The following CHST14 variants were observed in gnomAD, a reference collection of about 807,000 sequenced individuals.
The protein encoded by CHST14 is carbohydrate sulfotransferase 14, also known as carbohydrate (N-acetylgalactosamine 4-0) sulfotransferase 14.
CHST14 carries 13 observed loss-of-function variants against 22.7 expected under a neutral mutation model. The observed-to-expected ratio is 0.57, with a 90% CI of 0.37 to 0.91. CHST14 has a LOEUF of 0.91. Ranked by LOEUF, CHST14 falls within the 40% of genes least tolerant of loss-of-function variation. The pLI is 0.01. For missense variants in CHST14, 466 were observed against 513.1 expected (o/e 0.91, Z 0.89); for synonymous variants, 233 against 231.9 (o/e 1.00, Z -0.04).
Position 40,472,135 on chromosome 15 carries a change from C to T in CHST14, c.922C>T (p.Gln308Ter). The T allele has an allele frequency of 6.2e-7, 1 of 1,614,150 alleles. No homozygotes were observed. The stretch of plus-strand genomic sequence containing the variant: ...TGAGAGGCTGGAGGCTGATGCAAAT[C>T]AGGTGCTGGAGTGGGTACGGGCACC... ...SYERLEADANQVLEWVRAPPH... is the reference protein window; with the variant it reads ...SYERLEADAN The change falls in exon 1 of 1, where the codon CAG becomes TAG. Residue 308 changes from glutamine (Q) to a stop codon, truncating the protein, a stop_gained. Coordinates refer to ENST00000306243, the MANE Select transcript of CHST14 (RefSeq NM_130468.4). LOFTEE classifies it high-confidence loss of function.
chr15:40,472,575 C>T lies in CHST14; in HGVS notation c.*231C>T. 1 of 564,858 alleles carries T rather than the reference C, an allele frequency of 1.8e-6. No homozygotes were observed. Among genetic ancestry groups the T allele is most frequent in the Non-Finnish European group, 3.2e-6 (1 of 312,572 alleles). 35.0% of individuals were successfully genotyped at this position (564,858 alleles called of 1,614,324 possible). A position where few individuals can be genotyped will look rare whatever the true frequency, so the allele number is the denominator to read the frequency against. The stretch of plus-strand genomic sequence containing the variant: ...CTCATTGGGGGGATCTCTTGGGGGG[C>T]AGACACCAGTTTGCCAATGAAGCAA... On this transcript the variant is annotated 3_prime_UTR_variant, in exon 1 of 1. Transcript: ENST00000306243.
At position 40,472,390 on chromosome 15, in the gene CHST14, A is replaced by G; in HGVS notation, c.*46A>G. 1 of 1,548,064 alleles carries G rather than the reference A, an allele frequency of 6.5e-7. No homozygotes were observed. The highest frequency in any genetic ancestry group is 8.7e-7 in the Non-Finnish European group (1 of 1,146,664). ...GCTGGTGGGGACTGGTTTCAACGCC[A>G]GCTTTCTGTGCTTCTGCCTGTCATT... On this transcript the variant is annotated 3_prime_UTR_variant, in exon 1 of 1. Transcript: ENST00000306243.
At position 40,471,473 on chromosome 15, in the gene CHST14, C is replaced by T. The variant is rs1595869287; in HGVS notation, c.260C>T (p.Ala87Val). The T allele has an allele frequency of 6.3e-7, 1 of 1,595,576 alleles. No individual in the cohort carries two copies. ...GAGGGCACAGCCTGGCGCGGGAAAG[C>T]CCCCAAGCCTGGGGGCCTGTCCCTC... is the stretch of plus-strand genomic sequence containing the variant. ...GREGTAWRGK[A>V]PKPGGLSLRA... Residue 87 changes from alanine to valine, a missense_variant, in exon 1 of 1, where the codon GCC (alanine) becomes GTC (valine). Transcript: ENST00000306243. This position sits in a 1 kb window ranked among gnomAD's most constrained non-coding sequence, Gnocchi z 6.4.
rs1398111943 is a variant in CHST14, at chr15:40,471,402, C to T, written c.189C>T (p.Gly63=). 4.9e-5 allele frequency: 77 copies of T among 1,557,250 alleles called. No homozygotes were observed. The highest frequency in any genetic ancestry group is 6.1e-5 in the Non-Finnish European group (71 of 1,155,634). Residue 63 remains glycine (G), a synonymous_variant, in exon 1 of 1, where the codon GGC becomes GGT. Transcript: ENST00000306243. This position sits in a 1 kb window ranked among gnomAD's most constrained non-coding sequence, Gnocchi z 6.4. ...GGCTGCTGCTCATGATCGAGCGGGG[C>T]ATCCTGGCCGAGATGAAGCCCCTGC... ...SSGLLLMIER[G]ILAEMKPLPL...
At position 40,471,840 on chromosome 15, in the gene CHST14, C is replaced by T; in HGVS notation, c.627C>T (p.Phe209=). 6.2e-7 allele frequency: 1 copy of T among 1,613,890 alleles called. No homozygotes were observed. Among genetic ancestry groups the T allele is most frequent in the South Asian group, 1.1e-5 (1 of 91,088 alleles). Residue 209 remains phenylalanine (F), a synonymous_variant, in exon 1 of 1, where the codon TTC becomes TTT. Coordinates refer to ENST00000306243, the MANE Select transcript of CHST14 (RefSeq NM_130468.4). This position sits in a 1 kb window ranked among gnomAD's most constrained non-coding sequence, Gnocchi z 6.4. ...ACCGCCTGCAGCACTACTTTAAGTT[C>T]CTGTTTGTGCGGGAGCCCTTGGAAC... ...IRYRLQHYFK[F]LFVREPLERL... is the part of the protein sequence containing the mutation.
Position 40,472,563 on chromosome 15 carries a change from T to G in CHST14, c.*219T>G. 1.7e-6 allele frequency: 1 copy of G among 576,382 alleles called. No individual in the cohort carries two copies. The highest frequency in any genetic ancestry group is 3.3e-5 in the Admixed American group (1 of 30,504). The allele number at this position is 576,382 out of a possible 1,614,324, so 35.7% of individuals were successfully genotyped here. ...GACCTGCTGCTCCTCATTGGGGGGATCTCTTGGGGGGCAGACACCAGTTTG... is the reference window on the plus strand; with the variant it reads ...GACCTGCTGCTCCTCATTGGGGGGAGCTCTTGGGGGGCAGACACCAGTTTG... On this transcript the variant is annotated 3_prime_UTR_variant, in exon 1 of 1. Transcript: ENST00000306243.
rs1022679881 is a variant in CHST14, at chr15:40,472,587, T to C, written c.*243T>C. The C allele has an allele frequency of 3.6e-6, 2 of 553,182 alleles. No individual in the cohort carries two copies. The highest frequency in any genetic ancestry group is 3.3e-6 in the Non-Finnish European group (1 of 304,644). 34.3% of individuals were successfully genotyped at this position (553,182 alleles called of 1,614,324 possible). A position where few individuals can be genotyped will look rare whatever the true frequency, so the allele number is the denominator to read the frequency against. On this transcript the variant is annotated 3_prime_UTR_variant, in exon 1 of 1. Coordinates refer to ENST00000306243, the MANE Select transcript of CHST14 (RefSeq NM_130468.4). ...ATCTCTTGGGGGGCAGACACCAGTT[T>C]GCCAATGAAGCAACACATCTGATCT... is the stretch of plus-strand genomic sequence containing the variant.
chr15:40,471,204 C>G lies in CHST14; in HGVS notation c.-10C>G, dbSNP rs1296969165. The G allele has an allele frequency of 5.8e-6, 8 of 1,385,514 alleles. No individual in the cohort carries two copies. Among genetic ancestry groups the G allele is most frequent in the Non-Finnish European group, 7.4e-6 (8 of 1,080,054 alleles). 85.8% of individuals were successfully genotyped at this position (1,385,514 alleles called of 1,614,324 possible). A position where few individuals can be genotyped will look rare whatever the true frequency, so the allele number is the denominator to read the frequency against. On this transcript the variant is annotated 5_prime_UTR_variant, in exon 1 of 1. Coordinates refer to ENST00000306243, the MANE Select transcript of CHST14 (RefSeq NM_130468.4). The surrounding 1 kb of genome is among the most constrained non-coding windows in gnomAD (Gnocchi z 6.4). The stretch of plus-strand genomic sequence containing the variant: ...GCCGGGCCCGCGCAGGCCCCCACCC[C>G]TTGAGCACCATGTTCCCCCGCCCGC...
chr15:40,471,501 G>T lies in CHST14; in HGVS notation c.288G>T (p.Arg96Ser), dbSNP rs371684007. 8 of 1,600,650 alleles carry T rather than the reference G, an allele frequency of 5.0e-6. No individual in the cohort carries two copies. The highest frequency in any genetic ancestry group is 5.9e-6 in the Non-Finnish European group (7 of 1,176,488). Residue 96 changes from arginine (R) to serine (S), a missense_variant, in exon 1 of 1, where the codon AGG becomes AGT. Physicochemically the swap from Arg to Ser is moderately radical, Grantham distance 110. Transcript: ENST00000306243. This position sits in a 1 kb window ranked among gnomAD's most constrained non-coding sequence, Gnocchi z 6.4. ...KAPKPGGLSL[R>S]AGDADLQVRQ... ...CCAAGCCTGGGGGCCTGTCCCTCAG[G>T]GCTGGGGACGCGGACTTGCAAGTGC...
Position 40,472,227 on chromosome 15 carries a change from C to T in CHST14, c.1014C>T (p.Tyr338=), listed in dbSNP as rs1433129785. The change falls in exon 1 of 1, where the codon TAC becomes TAT. Residue 338 remains tyrosine (Y), a synonymous_variant. Transcript: ENST00000306243. ...YRPASPESLH[Y]HLCSAPRALL... ...CAGCCAGCCCCGAAAGCCTGCATTACCACTTGTGCAGTGCCCCCCGGGCCC... is the reference window on the plus strand; with the variant it reads ...CAGCCAGCCCCGAAAGCCTGCATTATCACTTGTGCAGTGCCCCCCGGGCCC... 6.2e-7 allele frequency: 1 copy of T among 1,614,112 alleles called. No homozygotes were observed. Among genetic ancestry groups the T allele is most frequent in the Admixed American group, 1.7e-5 (1 of 60,030 alleles).
In CHST14 at chr15:40,471,376, G is replaced by T. The variant is rs139908298; in HGVS notation, c.163G>T (p.Gly55Trp). The change falls in exon 1 of 1, where the codon GGG becomes TGG. Residue 55 changes from glycine (G) to tryptophan (W), a missense_variant. Coordinates refer to ENST00000306243, the MANE Select transcript of CHST14 (RefSeq NM_130468.4). The surrounding 1 kb of genome is among the most constrained non-coding windows in gnomAD (Gnocchi z 6.4). ...GTTTGCGGTGATCGTGGCCTCCAGC[G>T]GGCTGCTGCTCATGATCGAGCGGGG... ...LMFAVIVASS[G>W]LLLMIERGIL... is the part of the protein sequence containing the mutation. The T allele has an allele frequency of 6.4e-7, 1 of 1,556,496 alleles. No homozygotes were observed.
rs1894340611 is a variant in CHST14 at position 40,471,304 on chromosome 15, C to T, written c.91C>T (p.Arg31Trp). The T allele has an allele frequency of 1.3e-6, 2 of 1,532,786 alleles. No homozygotes were observed. Among genetic ancestry groups the T allele is most frequent in the Non-Finnish European group, 1.7e-6 (2 of 1,145,428 alleles). 94.9% of individuals were successfully genotyped at this position (1,532,786 alleles called of 1,614,324 possible). A position where few individuals can be genotyped will look rare whatever the true frequency, so the allele number is the denominator to read the frequency against. ...GAGGCGGGCCCCTCTGGGCAGGGCC[C>T]GGGCGGGGCTGGGTGGGCCGCCCCT... The part of the protein sequence containing the change: ...ALRRAPLGRA[R>W]AGLGGPPLLL... Residue 31 changes from arginine to tryptophan, a missense_variant, in exon 1 of 1, where the codon CGG (arginine) becomes TGG (tryptophan). Transcript: ENST00000306243. The surrounding 1 kb of genome is among the most constrained non-coding windows in gnomAD (Gnocchi z 6.4).
chr15:40,472,923 A>G lies in CHST14; in HGVS notation c.*579A>G, dbSNP rs1894370243. 1 of 167,652 alleles carries G rather than the reference A, an allele frequency of 6.0e-6. No homozygotes were observed. The highest frequency in any genetic ancestry group is 1.5e-5 in the Non-Finnish European group (1 of 68,530). 10.4% of individuals were successfully genotyped at this position (167,652 alleles called of 1,614,324 possible). On this transcript the variant is annotated 3_prime_UTR_variant, in exon 1 of 1. Transcript: ENST00000306243. ...TTCTTGCCTGGTAGCTCCAGGACCC[A>G]GCTCTGCAGGCACCCAAAGACCCTC...
Position 40,471,481 on chromosome 15 carries a change from C to G in CHST14, c.268C>G (p.Pro90Ala), listed in dbSNP as rs750814626. The change falls in exon 1 of 1, where the codon CCT (proline) becomes GCT (alanine). Residue 90 changes from proline (P) to alanine (A), a missense_variant. Transcript: ENST00000306243. The surrounding 1 kb of genome is among the most constrained non-coding windows in gnomAD (Gnocchi z 6.4). ...AGCCTGGCGCGGGAAAGCCCCCAAG[C>G]CTGGGGGCCTGTCCCTCAGGGCTGG... ...GTAWRGKAPKPGGLSLRAGDA... is the reference protein window; with the variant it reads ...GTAWRGKAPKAGGLSLRAGDA... The G allele has an allele frequency of 2.5e-6, 4 of 1,598,516 alleles. No homozygotes were observed. In the East Asian group the frequency reaches 9.0e-5, roughly 36 times the overall value.
In CHST14 at chr15:40,472,171, C is replaced by G; in HGVS notation, c.958C>G (p.Arg320Gly). The change falls in exon 1 of 1, where the codon CGA becomes GGA. Residue 320 changes from arginine to glycine, a missense_variant. Coordinates refer to ENST00000306243, the MANE Select transcript of CHST14 (RefSeq NM_130468.4). ...GTGGGTACGGGCACCACCTCACGTC[C>G]GATTTCCAGCTCGCCAGGCCTGGTA... ...LEWVRAPPHV[R>G]FPARQAWYRP... 1.2e-6 allele frequency: 2 copies of G among 1,614,092 alleles called. No homozygotes were observed. The highest frequency in any genetic ancestry group is 1.7e-6 in the Non-Finnish European group (2 of 1,180,024).
chr15:40,472,498 T>A lies in CHST14; in HGVS notation c.*154T>A. The A allele has an allele frequency of 1.2e-6, 1 of 847,566 alleles. No homozygotes were observed. Among genetic ancestry groups the A allele is most frequent in the Non-Finnish European group, 1.8e-6 (1 of 542,914 alleles). 52.5% of individuals were successfully genotyped at this position (847,566 alleles called of 1,614,324 possible). On this transcript the variant is annotated 3_prime_UTR_variant, in exon 1 of 1. Transcript: ENST00000306243. ...GCCCTCAGAAGTTCCTTGTCCAGGG[T>A]GGGCACCCACAGTGACTCAGAGGAC...
rs766643057 is a variant in CHST14 at position 40,471,233 on chromosome 15, C to A, written c.20C>A (p.Thr7Asn). Residue 7 changes from threonine to asparagine, a missense_variant, in exon 1 of 1, where the codon ACC becomes AAC. Transcript: ENST00000306243. This position sits in a 1 kb window ranked among gnomAD's most constrained non-coding sequence, Gnocchi z 6.4. MFPRPL[T>N]PLAAPNGAEP... ...AGCACCATGTTCCCCCGCCCGCTGA[C>A]CCCGCTGGCGGCCCCAAATGGCGCC... is the stretch of plus-strand genomic sequence containing the variant. 47 of 1,426,396 alleles carry A rather than the reference C, an allele frequency of 3.3e-5. No individual in the cohort carries two copies. In the African/African-American group the frequency reaches 6.3e-4, roughly 19 times the overall value. The allele number at this position is 1,426,396 out of a possible 1,614,324, so 88.4% of individuals were successfully genotyped here.
chr15:40,471,324 G>T lies in CHST14; in HGVS notation c.111G>T (p.Pro37=). The change falls in exon 1 of 1, where the codon CCG becomes CCT. Residue 37 remains proline (P), a synonymous_variant. Transcript: ENST00000306243. The surrounding 1 kb of genome is among the most constrained non-coding windows in gnomAD (Gnocchi z 6.4). ...LGRARAGLGG[P]PLLLPSMLMF... is the part of the protein sequence containing the mutation. ...GGGCCCGGGCGGGGCTGGGTGGGCC[G>T]CCCCTGCTGCTGCCGTCCATGCTGA... 1.3e-6 allele frequency: 2 copies of T among 1,539,358 alleles called. No individual in the cohort carries two copies. The highest frequency in any genetic ancestry group is 1.7e-6 in the Non-Finnish European group (2 of 1,148,002).
rs1894352088 is a variant in CHST14 at position 40,471,785 on chromosome 15, T to A, written c.572T>A (p.Leu191Gln). Residue 191 changes from leucine (L) to glutamine (Q), a missense_variant, in exon 1 of 1, where the codon CTG (leucine) becomes CAG (glutamine). Coordinates refer to ENST00000306243, the MANE Select transcript of CHST14 (RefSeq NM_130468.4). The surrounding 1 kb of genome is among the most constrained non-coding windows in gnomAD (Gnocchi z 6.4). ...KMDHRSDLVF[L>Q]ADLRPEEIRY... ...GACCACCGCAGTGACCTGGTGTTCC[T>A]GGCCGACCTGCGGCCTGAGGAGATT... 1 of 1,613,644 alleles carries A rather than the reference T, an allele frequency of 6.2e-7. No homozygotes were observed. Among genetic ancestry groups the A allele is most frequent in the Admixed American group, 1.7e-5 (1 of 60,014 alleles).
Sources: gnomAD v4.1 joint callset for allele counts on GRCh38, gnomAD v4.1.1 for gene constraint, Gnocchi (gnomAD v3.1) non-coding constraint, MANE v1.5 for transcripts, NCBI Gene and HGNC (gene_info 2026-07-23, HGNC 2026-07-21) for gene names.